ATAD2: variants seen among roughly 807,000 people sequenced by gnomAD.
The protein encoded by ATAD2 is ATPase family AAA domain containing 2, also known as ATPase family AAA domain-containing protein 2.
A neutral mutation model predicts 168.9 loss-of-function variants in ATAD2; 62 were observed. The observed-to-expected ratio is 0.37, with a 90% confidence interval of 0.30 to 0.45. The LOEUF is 0.45. ATAD2 is among the 20% of genes least tolerant of loss of function. The pLI, the probability that ATAD2 is intolerant of heterozygous loss-of-function variation, is 1.00. For synonymous variants in ATAD2, 613 were observed against 571.6 expected, an observed-to-expected ratio of 1.07 and a Z score of -1.03; for missense variants, 1,419 against 1,667.8, an observed-to-expected ratio of 0.85 and a Z score of 2.60.
chr8:123,337,735 G>C lies in ATAD2; in HGVS notation c.2941C>G (p.Gln981Glu), dbSNP rs766729624. The change falls in exon 21 of 28, where the codon CAA becomes GAA. Residue 981 changes from glutamine to glutamate, a missense_variant. Around this residue, in one of 5 missense-constraint regions of ATAD2, gnomAD observed 545 missense variants for 724.9 expected, o/e 0.75. Transcript: ENST00000287394. Reference sequence around the variant, plus strand: ...AGTTCTCTAAATGTATCTTCTTCTTGTTCTTCTAGTCGTTTCACTTCTTCT... The same window carrying C: ...AGTTCTCTAAATGTATCTTCTTCTTCTTCTTCTAGTCGTTTCACTTCTTCT... ...TAEEVKRLEE[Q>E]EEDTFRELRI... 3.0e-5 allele frequency: 49 copies of C among 1,613,590 alleles called. No homozygotes were observed. Among genetic ancestry groups the C allele is most frequent in the Non-Finnish European group, 4.0e-5 (47 of 1,179,870 alleles).
intron 16 of ATAD2, 81 bp downstream of exon 16, chr8:123,347,011 A>G: frequency 7.2e-7 from 1 of 1,382,344 alleles, no homozygotes; most frequent in East Asian, 2.4e-5. Context: ...TCTTTTACAA[A>G]TAAATATTTC....
At chr8:123,348,382 A>G in intron 14 of ATAD2, 109 bp from the exon 15 acceptor site, 1 of 882,092 alleles carries the variant, frequency 1.1e-6, no homozygotes, top group Non-Finnish European at 1.7e-6. Context: ...TAAAGTGATC[A>G]GTACTTAATA....
Position 123,328,404 on chromosome 8 carries a change from T to C in ATAD2, c.3654A>G (p.Thr1218=). The C allele has an allele frequency of 6.3e-7, 1 of 1,587,936 alleles. No homozygotes were observed. The highest frequency in any genetic ancestry group is 8.6e-7 in the Non-Finnish European group (1 of 1,168,152). The change falls in exon 25 of 28, where the codon ACA becomes ACG. Residue 1218 remains threonine, a synonymous_variant. Transcript: ENST00000287394. ...CATTTTCTTCCACCGAAGACTCTCC[T>C]GTGTTTCCGGTCTCATTATGATCTA... The part of the protein sequence containing the change: ...TSVDHNETGN[T]GESSVEENEK...
At chr8:123,411,510 G>A (rs146321625) in intron 1 of ATAD2, among the ~76,000 whole-genome samples, 2 of 152,284 alleles carry the variant, frequency 1.3e-5, no homozygotes, top group East Asian at 3.9e-4. Flanking sequence ...GAAGGTGACC[G>A]CATCCACCTT....
At chr8:123,370,754 C>T in intron 6 of ATAD2, 149 bp downstream of exon 6, 1 of 591,108 alleles carries the variant, frequency 1.7e-6, no homozygotes, top group South Asian at 2.4e-5. Flanking sequence ...CTCTTAAGCT[C>T]TCCCCTTTCC....
chr8:123,351,667 CTT>C (rs1170667394), intron 13 of ATAD2, among the ~76,000 whole-genome samples: 1 of 151,976 alleles, frequency 6.6e-6, no homozygotes, highest in African/African-American at 2.4e-5. Flanking sequence ...TTCTTTCCCT[CTT>C]ATCAATTTTC....
At chr8:123,342,959 G>A (rs182666076) in intron 19 of ATAD2, among the ~76,000 whole-genome samples, 161 of 151,370 alleles carry the variant, frequency 1.1e-3, no homozygotes, top group African/African-American at 3.9e-3. Context: ...CGTTTTCCAC[G>A]TCTTTCCTCA....
At chr8:123,383,631 G>T (rs1475330373) in intron 1 of ATAD2, among the ~76,000 whole-genome samples, 1 of 152,134 alleles carries the variant, frequency 6.6e-6, no homozygotes, top group African/African-American at 2.4e-5. Context: ...AAATCAGCCG[G>T]GCGAGGTGGC....
chr8:123,375,251 C>T (rs1332854333), intron 2 of ATAD2, among the ~76,000 whole-genome samples: 1 of 152,128 alleles, frequency 6.6e-6, no homozygotes, highest in Non-Finnish European at 1.5e-5. Context: ...TGACAGAAGA[C>T]ATACAAATGG....
chr8:123,392,106 T>G (rs1294499320), intron 1 of ATAD2, among the ~76,000 whole-genome samples: 2 of 152,174 alleles, frequency 1.3e-5, no homozygotes, highest in East Asian at 1.9e-4. Flanking sequence ...TCTGCTAGAC[T>G]TGTATCTCTT....
At chr8:123,411,809 A>G (rs1237920306) in intron 1 of ATAD2, among the ~76,000 whole-genome samples, 2 of 152,138 alleles carry the variant, frequency 1.3e-5, no homozygotes, top group African/African-American at 2.4e-5. Flanking sequence ...ATTCCTGCTT[A>G]TAATAGAAAG....
upstream of ATAD2, among the ~76,000 whole-genome samples, chr8:123,397,614 T>C (rs1812918167): frequency 6.6e-6 from 1 of 152,242 alleles, no homozygotes; most frequent in Non-Finnish European, 1.5e-5. Flanking sequence ...AGTTCATTAA[T>C]TTAATATTTG....
intron 1 of ATAD2, chr8:123,401,624 G>A: frequency 1.0e-6 from 1 of 987,990 alleles, no homozygotes; most frequent in Non-Finnish European, 1.6e-6. Context: ...CAAGGTGGCT[G>A]AGTATGCCCG....
chr8:123,410,583 G>A (rs1014752670), intron 1 of ATAD2, among the ~76,000 whole-genome samples: 2 of 152,178 alleles, frequency 1.3e-5, no homozygotes, highest in Admixed American at 6.5e-5. Flanking sequence ...ACCATGCCCA[G>A]CCTATATGTT....
chr8:123,321,460 C>T (rs1181600031), intron 27 of ATAD2, among the ~76,000 whole-genome samples: 6 of 150,864 alleles, frequency 4.0e-5, no homozygotes, highest in African/African-American at 1.2e-4. Flanking sequence ...TAGTATTTTA[C>T]ACTTTGTAGG....
At chr8:123,411,872 ATCTC>A (rs1214206864) in intron 1 of ATAD2, among the ~76,000 whole-genome samples, 1 of 152,184 alleles carries the variant, frequency 6.6e-6, no homozygotes, top group Non-Finnish European at 1.5e-5. Context: ...ACTGCTGGCT[ATCTC>A]TCAGTATGCA....
At chr8:123,325,316 T>C (rs1185357201) in intron 26 of ATAD2, among the ~76,000 whole-genome samples, 2 of 151,462 alleles carry the variant, frequency 1.3e-5, no homozygotes, top group Non-Finnish European at 2.9e-5. Flanking sequence ...AGACAGAGTC[T>C]CTATCGCCCA....
intron 1 of ATAD2, among the ~76,000 whole-genome samples, chr8:123,390,013 C>G (rs1010038905): frequency 3.1e-5 from 4 of 127,560 alleles, no homozygotes; most frequent in Non-Finnish European, 6.7e-5. Flanking sequence ...GAGTCTTGCT[C>G]TCTTGCCCAG....
chr8:123,390,080 G>A (rs1257846484), intron 1 of ATAD2, among the ~76,000 whole-genome samples: 1 of 149,640 alleles, frequency 6.7e-6, no homozygotes, highest in Non-Finnish European at 1.5e-5. Flanking sequence ...CAGGGTTCAA[G>A]CAATTCTCCT....
Sources: gnomAD v4.1 joint callset for allele counts (sites outside exome capture counted in the v4.1 genomes callset) on GRCh38, gnomAD v4.1.1 for gene constraint, gnomAD v4.1.1 regional missense constraint, MANE v1.5 for transcripts, NCBI Gene and HGNC (gene_info 2026-07-23, HGNC 2026-07-21) for gene names.